The following IGF1 variants were observed in gnomAD, a reference collection of about 807,000 sequenced individuals.
IGF1 encodes the protein insulin like growth factor 1, also known as insulin-like growth factor 1.
IGF1 carries 4 observed loss-of-function variants against 13.8 expected under a neutral mutation model. The ratio of observed to expected loss-of-function variants is 0.29; its 90% CI spans 0.14 to 0.66. The LOEUF (loss-of-function observed/expected upper bound fraction) is 0.66. Among genes scored for constraint, IGF1 ranks in the 30% least tolerant of loss-of-function variants. The pLI, the probability that IGF1 is intolerant of heterozygous loss-of-function variation, is 0.78. For missense variants in IGF1, 124 were observed against 188.5 expected, an observed-to-expected ratio of 0.66 and a Z score of 2.00; for synonymous variants, 76 against 72.6, an observed-to-expected ratio of 1.05 and a Z score of -0.23.
chr12:102,420,137 C>G lies in IGF1; in HGVS notation c.221-447G>C, dbSNP rs5742681. Reference sequence around the variant, plus strand: ...TGTTTAACTGCTTTGACTATATAGTCAGGTTGAACATCAAAGAGTTTTTAA... The same window carrying G: ...TGTTTAACTGCTTTGACTATATAGTGAGGTTGAACATCAAAGAGTTTTTAA... On this transcript the variant is annotated intron_variant, in intron 2 of 3. Coordinates refer to ENST00000337514, the MANE Select transcript of IGF1 (RefSeq NM_000618.5). Among the ~76,000 whole-genome samples, 1,053 of 152,296 alleles carry G rather than the reference C, an allele frequency of 6.9e-3. 6 individuals are homozygous for G. Among genetic ancestry groups the G allele is most frequent in the Middle Eastern group, 0.014 (4 of 294 alleles).
chr12:102,431,304 G>T (rs1309015470), intron 2 of IGF1, among the ~76,000 whole-genome samples: 2 of 152,152 alleles, frequency 1.3e-5, no homozygotes, highest in African/African-American at 4.8e-5. Flanking sequence ...GAGAGAGAAG[G>T]CACTATAACA....
chr12:102,409,118 T>C (rs549424565), intron 3 of IGF1, among the ~76,000 whole-genome samples: 1 of 152,338 alleles, frequency 6.6e-6, no homozygotes, highest in African/African-American at 2.4e-5. Flanking sequence ...TAAGAGCACC[T>C]ACATCACAGT....
chr12:102,446,905 A>C (rs763506933), intron 2 of IGF1, among the ~76,000 whole-genome samples: 33 of 152,126 alleles, frequency 2.2e-4, no homozygotes, highest in Admixed American at 1.2e-3. Flanking sequence ...TGTGTCCCAG[A>C]GATTCTGGTA....
At chr12:102,448,092 G>A (rs1258904091) in intron 2 of IGF1, among the ~76,000 whole-genome samples, 1 of 43,088 alleles carries the variant, frequency 2.3e-5, no homozygotes, top group Non-Finnish European at 4.6e-5. Flanking sequence ...AAATCTCATG[G>A]GACTGTAAAC....
chr12:102,428,604 C>T (rs1278019619), intron 2 of IGF1, among the ~76,000 whole-genome samples: 1 of 152,160 alleles, frequency 6.6e-6, no homozygotes, highest in African/African-American at 2.4e-5. Flanking sequence ...TCTGTGGGCA[C>T]TCAGAAATGA....
intron 3 of IGF1, among the ~76,000 whole-genome samples, chr12:102,417,328 C>G (rs142189330): frequency 6.6e-6 from 1 of 152,158 alleles, no homozygotes; most frequent in Admixed American, 6.5e-5. Flanking sequence ...AGAAATGCAG[C>G]CTCCAATGAC....
intron 2 of IGF1, among the ~76,000 whole-genome samples, chr12:102,460,088 T>G (rs1879777498): frequency 6.6e-6 from 1 of 152,236 alleles, no homozygotes; most frequent in Non-Finnish European, 1.5e-5. Context: ...CACTCAAGAA[T>G]GCAGGCTCAG....
intron 2 of IGF1, among the ~76,000 whole-genome samples, chr12:102,458,730 C>CAAAAAAAAAAAAAAAAAAAAA (rs397825972): frequency 9.5e-5 from 7 of 73,428 alleles, no homozygotes; most frequent in African/African-American, 2.6e-4. Flanking sequence ...GAACACTGAC[C>CAAAAAAAAAAAAAAAAAAAAA]AAAAAAAAAA....
chr12:102,436,202 G>GT (rs1451022439), intron 2 of IGF1, among the ~76,000 whole-genome samples: 2 of 152,114 alleles, frequency 1.3e-5, no homozygotes, highest in South Asian at 2.1e-4. Context: ...CCTTCCCTGA[G>GT]TTTTTTATTT....
chr12:102,405,286 C>T (rs1165780972), intron 3 of IGF1, among the ~76,000 whole-genome samples: 2 of 132,114 alleles, frequency 1.5e-5, no homozygotes, highest in African/African-American at 5.1e-5. Context: ...TAGGGTTTCA[C>T]CATGTTGGCC....
At chr12:102,433,724 T>C (rs1343386670) in intron 2 of IGF1, among the ~76,000 whole-genome samples, 1 of 152,196 alleles carries the variant, frequency 6.6e-6, no homozygotes, top group Non-Finnish European at 1.5e-5. Flanking sequence ...ATTGGTGGAT[T>C]GACAAGTTGG....
chr12:102,438,514 A>T (rs1223414751), intron 2 of IGF1, among the ~76,000 whole-genome samples: 1 of 152,232 alleles, frequency 6.6e-6, no homozygotes, highest in Non-Finnish European at 1.5e-5. Flanking sequence ...ACAGTGAAGA[A>T]ATCTGTTTCA....
At chr12:102,456,223 TG>T (rs1168129969) in intron 2 of IGF1, among the ~76,000 whole-genome samples, 1 of 16,538 alleles carries the variant, frequency 6.0e-5, no homozygotes, top group East Asian at 3.3e-3. Context: ...TTAAAAAAGG[TG>T]TGTGTGTGTG....
Position 102,397,744 on chromosome 12 carries a change from T to C in IGF1, c.*4763A>G, listed in dbSNP as rs542494292. 2.0e-5 allele frequency: 3 copies of C among 152,348 alleles called. No homozygotes were observed. The highest frequency in any genetic ancestry group is 3.9e-4 in the East Asian group (2 of 5,188). 9.4% of individuals were successfully genotyped at this position (152,348 alleles called of 1,614,324 possible). On this transcript the variant is annotated 3_prime_UTR_variant, in exon 4 of 4. Coordinates refer to ENST00000337514, the MANE Select transcript of IGF1 (RefSeq NM_000618.5). ...AAGGGAGGGGCATAAACTTTCACAA[T>C]TCTTCTGTTTTAAAATAAATGATGC...
At chr12:102,428,654 A>G (rs1002839579) in intron 2 of IGF1, among the ~76,000 whole-genome samples, 5 of 152,224 alleles carry the variant, frequency 3.3e-5, no homozygotes, top group African/African-American at 9.6e-5. Context: ...ATCCTTGGGC[A>G]TGGCCTTTTA....
chr12:102,450,930 A>G (rs1340054735), intron 2 of IGF1, among the ~76,000 whole-genome samples: 1 of 152,204 alleles, frequency 6.6e-6, no homozygotes, highest in Non-Finnish European at 1.5e-5. Flanking sequence ...AGAAGCTTTA[A>G]AAGATCTTTA....
intron 2 of IGF1, among the ~76,000 whole-genome samples, chr12:102,460,649 G>A (rs919015842): frequency 6.6e-6 from 1 of 152,190 alleles, no homozygotes. Context: ...ATATCCGTCA[G>A]ATTTCTTAAG....
intron 2 of IGF1, among the ~76,000 whole-genome samples, chr12:102,454,905 C>T (rs1879265877): frequency 2.6e-5 from 4 of 152,252 alleles, no homozygotes. Flanking sequence ...CGTTAGTGTC[C>T]ACCATTAATG....
At chr12:102,449,437 T>C (rs1878713655) in intron 2 of IGF1, among the ~76,000 whole-genome samples, 1 of 151,854 alleles carries the variant, frequency 6.6e-6, no homozygotes, top group African/African-American at 2.4e-5. Flanking sequence ...GAGAAATACC[T>C]AATGTAGGTG....
Sources: allele counts gnomAD v4.1 joint callset (sites outside exome capture counted in the v4.1 genomes callset), GRCh38; gene constraint gnomAD v4.1.1; transcripts MANE v1.5; gene names NCBI Gene and HGNC (gene_info 2026-07-23, HGNC 2026-07-21).